Variants in IRAK2 observed in about 807,000 individuals in gnomAD.
The protein encoded by IRAK2 is interleukin 1 receptor associated kinase 2, also known as interleukin-1 receptor-associated kinase-like 2.
A neutral mutation model predicts 72.0 loss-of-function variants in IRAK2; 57 were observed. That is an observed-to-expected ratio of 0.79 (90% CI 0.64 to 0.99). The LOEUF (loss-of-function observed/expected upper bound fraction) is 0.99. Ranked by LOEUF, IRAK2 falls within the 50% of genes least tolerant of loss-of-function variation. The pLI is 0.00. For missense variants in IRAK2, 790 were observed against 794.4 expected (o/e 0.99, Z 0.07); for synonymous variants, 293 against 312.7 (o/e 0.94, Z 0.67).
intron 1 of IRAK2, among the ~76,000 whole-genome samples, chr3:10,176,848 G>T (rs1319063330): frequency 6.7e-6 from 1 of 149,978 alleles, no homozygotes; most frequent in African/African-American, 2.5e-5. Flanking sequence ...TGTCGCCCAG[G>T]CTGGAGTGCA....
chr3:10,203,590 G>A (rs1165931169), intron 3 of IRAK2, among the ~76,000 whole-genome samples: 1 of 152,142 alleles, frequency 6.6e-6, no homozygotes, highest in African/African-American at 2.4e-5. Context: ...CCTTGCAGTA[G>A]GTGGGAAGGA....
At chr3:10,207,084 GTTTGTTTT>G (rs934729648) in intron 3 of IRAK2, among the ~76,000 whole-genome samples, 47 of 150,918 alleles carry the variant, frequency 3.1e-4, no homozygotes, top group African/African-American at 1.1e-3. Context: ...AACTCTTTTT[GTTTGTTTT>G]TTTGTTTGTT....
chr3:10,233,923 A>T (rs1168429917), intron 10 of IRAK2, among the ~76,000 whole-genome samples: 1 of 152,012 alleles, frequency 6.6e-6, no homozygotes. Flanking sequence ...ATCTCAGCTC[A>T]TTGCAGCCTC....
intron 2 of IRAK2, among the ~76,000 whole-genome samples, chr3:10,180,120 G>A (rs1189850639): frequency 6.6e-6 from 1 of 152,140 alleles, no homozygotes; most frequent in Non-Finnish European, 1.5e-5. Context: ...CTGTGAAGTC[G>A]AAGAGAATAA....
chr3:10,242,087 G>A (rs755774115), intron 12 of IRAK2, 29 bp from the exon 13 acceptor site: 8 of 1,269,462 alleles, frequency 6.3e-6, no homozygotes, highest in Middle Eastern at 1.8e-4. Flanking sequence ...CATTCAAGTC[G>A]CTCTTGTTTG....
chr3:10,173,968 C>G (rs1344404441), intron 1 of IRAK2, among the ~76,000 whole-genome samples: 1 of 152,200 alleles, frequency 6.6e-6, no homozygotes, highest in Non-Finnish European at 1.5e-5. Context: ...ATTACCATCA[C>G]GAGTAAGGAA....
At chr3:10,217,661 C>T (rs982007375) in intron 7 of IRAK2, among the ~76,000 whole-genome samples, 5 of 152,186 alleles carry the variant, frequency 3.3e-5, no homozygotes, top group African/African-American at 1.2e-4. Flanking sequence ...AGCAAACTTA[C>T]TATTAGAGTA....
At chr3:10,236,265 T>C (rs1697956861) in intron 11 of IRAK2, among the ~76,000 whole-genome samples, 1 of 149,974 alleles carries the variant, frequency 6.7e-6, no homozygotes, top group Non-Finnish European at 1.5e-5. Flanking sequence ...TGGCTTGTGT[T>C]GGGTGTGTCG....
intron 9 of IRAK2, among the ~76,000 whole-genome samples, chr3:10,225,017 C>G (rs571804305): frequency 6.6e-6 from 1 of 152,008 alleles, no homozygotes; most frequent in East Asian, 2.0e-4. Context: ...TCCCCTTGTT[C>G]TGTCCCTTCC....
intron 1 of IRAK2, among the ~76,000 whole-genome samples, chr3:10,165,871 C>A (rs1478617654): frequency 6.6e-6 from 1 of 152,106 alleles, no homozygotes; most frequent in East Asian, 1.9e-4. Flanking sequence ...GCTGGGACTA[C>A]AGGCGCCCGC....
chr3:10,226,228 G>T, intron 9 of IRAK2, 143 bp from the exon 10 acceptor site: 1 of 574,380 alleles, frequency 1.7e-6, no homozygotes, highest in Admixed American at 3.0e-5. Flanking sequence ...ATATTCCCAT[G>T]TTCCAGATTT....
intron 10 of IRAK2, among the ~76,000 whole-genome samples, chr3:10,230,791 C>T (rs977769102): frequency 6.6e-5 from 10 of 151,970 alleles, no homozygotes; most frequent in Non-Finnish European, 1.5e-4. Context: ...CTTGCTCTGT[C>T]GCCCAGGCTG....
At chr3:10,203,305 C>T (rs1172199330) in intron 3 of IRAK2, among the ~76,000 whole-genome samples, 2 of 152,086 alleles carry the variant, frequency 1.3e-5, no homozygotes, top group Non-Finnish European at 2.9e-5. Flanking sequence ...CCCCTATTTG[C>T]TTTCTTGATG....
At chr3:10,184,140 CCACTT>C (rs1283702884) in intron 2 of IRAK2, among the ~76,000 whole-genome samples, 1 of 152,172 alleles carries the variant, frequency 6.6e-6, no homozygotes, top group African/African-American at 2.4e-5. Context: ...TGGGTACACT[CCACTT>C]CTTTTAAGGA....
At chr3:10,237,762 C>T (rs992160653) in intron 11 of IRAK2, among the ~76,000 whole-genome samples, 5 of 147,642 alleles carry the variant, frequency 3.4e-5, no homozygotes, top group Non-Finnish European at 5.9e-5. Context: ...AACCGAGATA[C>T]GCCCCTGCAG....
At chr3:10,208,184 C>T (rs1209077247) in intron 3 of IRAK2, among the ~76,000 whole-genome samples, 1 of 151,480 alleles carries the variant, frequency 6.6e-6, no homozygotes. Context: ...AAGGCCAAGG[C>T]CCTTGGAAAA....
intron 12 of IRAK2, among the ~76,000 whole-genome samples, chr3:10,239,862 C>A (rs1258915369): frequency 6.6e-6 from 1 of 151,962 alleles, no homozygotes; most frequent in Admixed American, 6.6e-5. Flanking sequence ...AAGATATCTT[C>A]CAGGCTGGGT....
At chr3:10,187,527 C>T (rs182247649) in intron 2 of IRAK2, among the ~76,000 whole-genome samples, 1 of 152,286 alleles carries the variant, frequency 6.6e-6, no homozygotes, top group Admixed American at 6.5e-5. Context: ...TTTCCCACAC[C>T]ATGTGCCTCA....
intron 12 of IRAK2, among the ~76,000 whole-genome samples, chr3:10,241,011 C>T (rs1191339055): frequency 6.6e-6 from 1 of 151,652 alleles, no homozygotes; most frequent in African/African-American, 2.4e-5. Context: ...TTTTTTCACT[C>T]CACCCTCCCA....
Sources: gnomAD v4.1 joint callset for allele counts (sites outside exome capture counted in the v4.1 genomes callset) on GRCh38, gnomAD v4.1.1 for gene constraint, MANE v1.5 for transcripts, NCBI Gene and HGNC (gene_info 2026-07-23, HGNC 2026-07-21) for gene names.